SEMA5A: variants seen among roughly 807,000 people sequenced by gnomAD.
SEMA5A encodes semaphorin 5A, also known as semaphorin-5A.
SEMA5A carries 55 observed loss-of-function variants against 135.5 expected under a neutral mutation model. That is an observed-to-expected ratio of 0.41 (90% CI 0.33 to 0.51). SEMA5A has a LOEUF of 0.51. SEMA5A is among the 20% of genes least tolerant of loss of function. SEMA5A has a pLI of 0.37. For missense variants in SEMA5A, 1,290 were observed against 1,419.9 expected (o/e 0.91, Z 1.47); for synonymous variants, 580 against 546.5 (o/e 1.06, Z -0.85).
chr5:9,367,034 A>G (rs1166544746), intron 3 of SEMA5A, among the ~76,000 whole-genome samples: 3 of 152,210 alleles, frequency 2.0e-5, no homozygotes, highest in Non-Finnish European at 4.4e-5. Flanking sequence ...GCCAAGGCAC[A>G]TGAGTCTCTG....
At chr5:9,210,623 G>A (rs1806049) in intron 8 of SEMA5A, among the ~76,000 whole-genome samples, 2 of 151,918 alleles carry the variant, frequency 1.3e-5, no homozygotes, top group African/African-American at 4.8e-5. Flanking sequence ...CAAAGGGAAG[G>A]TCAGCAGCTT....
At chr5:9,282,446 T>C (rs1258759614) in intron 5 of SEMA5A, among the ~76,000 whole-genome samples, 2 of 152,174 alleles carry the variant, frequency 1.3e-5, no homozygotes, top group Non-Finnish European at 2.9e-5. Flanking sequence ...GGCAGAATCC[T>C]GGAAAAGCAA....
chr5:9,390,188 T>C (rs1401789472), intron 2 of SEMA5A, among the ~76,000 whole-genome samples: 1 of 152,244 alleles, frequency 6.6e-6, no homozygotes, highest in Non-Finnish European at 1.5e-5. Context: ...TTGAAAAATG[T>C]CCTTTCTAAA....
In SEMA5A at chr5:9,046,208, G is replaced by A. The variant is rs116567999; in HGVS notation, c.2894-1624C>T. ...TGTCTCCTCCACACACCACCAGGGT[G>A]AGGGGCAGTGTCACTAATACCTTTC... On this transcript the variant is annotated intron_variant, in intron 21 of 22. Transcript: ENST00000382496. Among the ~76,000 whole-genome samples, 526 of 152,310 alleles carry A rather than the reference G, an allele frequency of 3.5e-3. 1 individual carries two copies. The highest frequency in any genetic ancestry group is 0.012 in the African/African-American group (506 of 41,570).
chr5:9,480,379 T>A (rs1453239414), intron 1 of SEMA5A, among the ~76,000 whole-genome samples: 1 of 152,114 alleles, frequency 6.6e-6, no homozygotes, highest in African/African-American at 2.4e-5. Context: ...AATTTACAAC[T>A]GACTGGAGAA....
At chr5:9,539,108 A>C (rs1737936715) in intron 1 of SEMA5A, among the ~76,000 whole-genome samples, 1 of 152,188 alleles carries the variant, frequency 6.6e-6, no homozygotes, top group Non-Finnish European at 1.5e-5. Context: ...GCCCATCTGC[A>C]GTCATGTCCA....
chr5:9,526,275 ATTTAAG>A (rs138748802), intron 1 of SEMA5A, among the ~76,000 whole-genome samples: 11,859 of 152,262 alleles, frequency 0.078, 504 homozygotes, highest in South Asian at 0.14. Context: ...TATTAAAAAC[ATTTAAG>A]TTTAACATTA....
rs73038869 is a variant in SEMA5A, at chr5:9,168,164, G to A, written c.1274-13469C>T. On this transcript the variant is annotated intron_variant, in intron 11 of 22. Transcript: ENST00000382496. ...AGGAAGGTGTGACAGGAGGAGAGCC[G>A]TAAGTACAGCAGAGTGGTTCCCAAG... Among the ~76,000 whole-genome samples the A allele has an allele frequency of 6.0e-3, 919 of 152,174 alleles. 4 individuals carry two copies. Among genetic ancestry groups the A allele is most frequent in the African/African-American group, 0.02 (820 of 41,504 alleles).
intron 9 of SEMA5A, among the ~76,000 whole-genome samples, chr5:9,201,620 T>C: frequency 6.6e-6 from 1 of 152,342 alleles, no homozygotes; most frequent in Middle Eastern, 3.4e-3. Flanking sequence ...AGAAAAAATA[T>C]ACATATAATA....
At chr5:9,540,702 G>C (rs904416533) in intron 1 of SEMA5A, among the ~76,000 whole-genome samples, 1 of 152,186 alleles carries the variant, frequency 6.6e-6, no homozygotes, top group East Asian at 1.9e-4. Flanking sequence ...AAATCCATTT[G>C]TTTACAGGAT....
At position 9,042,007 on chromosome 5, in the gene SEMA5A, A is replaced by G. The variant is rs1407719762; in HGVS notation, c.*890T>C. 2 of 152,234 alleles carry G rather than the reference A, an allele frequency of 1.3e-5. No homozygotes were observed. The highest frequency in any genetic ancestry group is 4.8e-5 in the African/African-American group (2 of 41,432). 9.4% of individuals were successfully genotyped at this position (152,234 alleles called of 1,614,324 possible). ...GTTCAAGATTTTTCTTTGCAGGGAG[A>G]GAGAAGGCATGGAGTCTATCCAAAC... On this transcript the variant is annotated 3_prime_UTR_variant, in exon 23 of 23. Coordinates refer to ENST00000382496, the MANE Select transcript of SEMA5A (RefSeq NM_003966.3).
chr5:9,310,800 TAC>T (rs1025468170), intron 5 of SEMA5A, among the ~76,000 whole-genome samples: 2 of 88,780 alleles, frequency 2.3e-5, no homozygotes, highest in Admixed American at 1.3e-4. Flanking sequence ...TTTGCATATA[TAC>T]ATATATATAT....
intron 5 of SEMA5A, among the ~76,000 whole-genome samples, chr5:9,276,798 T>C (rs914621224): frequency 4.6e-5 from 7 of 152,144 alleles, no homozygotes; most frequent in Non-Finnish European, 7.4e-5. Context: ...TTACACCTTA[T>C]ACAAAAATTA....
At chr5:9,241,773 G>A (rs926983634) in intron 5 of SEMA5A, among the ~76,000 whole-genome samples, 4 of 152,052 alleles carry the variant, frequency 2.6e-5, no homozygotes, top group Admixed American at 2.0e-4. Context: ...CTCTTTTTAT[G>A]TATGTGTTAC....
At chr5:9,330,453 G>GT (rs200229375) in intron 4 of SEMA5A, among the ~76,000 whole-genome samples, 4,637 of 147,442 alleles carry the variant, frequency 0.031, 100 homozygotes, top group Non-Finnish European at 0.049. Flanking sequence ...GTTTTGTTTT[G>GT]TTTTTTTACA....
At chr5:9,175,663 G>A (rs1027462018) in intron 11 of SEMA5A, among the ~76,000 whole-genome samples, 5 of 152,128 alleles carry the variant, frequency 3.3e-5, no homozygotes, top group East Asian at 1.9e-4. Context: ...AAATAACTCC[G>A]TTTGGTGGAA....
intron 1 of SEMA5A, among the ~76,000 whole-genome samples, chr5:9,452,977 C>A (rs436243): frequency 0.91 from 139,127 of 152,242 alleles, 63,722 homozygotes; most frequent in African/African-American, 0.96. Flanking sequence ...AGACTCTGAT[C>A]TGCCACCAGA....
chr5:9,108,297 G>A lies in SEMA5A; in HGVS notation c.1926-10C>T. On this transcript the variant is annotated splice_polypyrimidine_tract_variant and intron_variant, in intron 15 of 22. Transcript: ENST00000382496. ...ATGTTCATTGCAGTATCTGTAATGA[G>A]GAAACCAAAATGACAAGGAAACTAA... 1 of 1,613,594 alleles carries A rather than the reference G, an allele frequency of 6.2e-7. No individual in the cohort carries two copies. The highest frequency in any genetic ancestry group is 8.5e-7 in the Non-Finnish European group (1 of 1,179,736).
intron 16 of SEMA5A, among the ~76,000 whole-genome samples, chr5:9,083,322 G>A (rs1013067039): frequency 3.3e-5 from 5 of 151,912 alleles, no homozygotes; most frequent in Non-Finnish European, 7.4e-5. Flanking sequence ...TCTTTTATTG[G>A]CCAATTTACT....
Sources: gnomAD v4.1 joint callset for allele counts (sites outside exome capture counted in the v4.1 genomes callset) on GRCh38, gnomAD v4.1.1 for gene constraint, MANE v1.5 for transcripts, NCBI Gene and HGNC (gene_info 2026-07-23, HGNC 2026-07-21) for gene names.